The following PIEZO2 variants were observed in gnomAD, a reference collection of about 807,000 sequenced individuals.
PIEZO2 encodes the protein piezo type mechanosensitive ion channel component 2, also known as piezo-type mechanosensitive ion channel component 2.
PIEZO2 carries 172 observed loss-of-function variants against 337.3 expected under a neutral mutation model. That is an observed-to-expected ratio of 0.51 (90% CI 0.45 to 0.58). The LOEUF (loss-of-function observed/expected upper bound fraction) is 0.58. PIEZO2 is among the 20% of genes least tolerant of loss of function. PIEZO2 has a pLI of 0.00. For synonymous variants in PIEZO2, 1,251 were observed against 1,228.5 expected, an observed-to-expected ratio of 1.02 and a Z score of -0.38; for missense variants, 3,028 against 3,391.3, an observed-to-expected ratio of 0.89 and a Z score of 2.66.
intron 7 of PIEZO2, among the ~76,000 whole-genome samples, chr18:10,825,014 C>T (rs1568102156): frequency 1.3e-5 from 2 of 152,268 alleles, no homozygotes; most frequent in South Asian, 2.1e-4. Flanking sequence ...CAGGAACCCG[C>T]CACCATGCCT....
intron 2 of PIEZO2, among the ~76,000 whole-genome samples, chr18:11,043,244 CA>C (rs2037186349): frequency 1.7e-4 from 1 of 5,792 alleles, no homozygotes; most frequent in Non-Finnish European, 5.2e-4. Context: ...CCTTTAAACG[CA>C]CACACACACA....
rs1354269205 is a variant in PIEZO2 at position 10,872,333 on chromosome 18, G to A, written c.330-918C>T. ...CAAAGGCCAGAAGGTGAAGTGGAGA[G>A]TAGAAAGGGCTTCAACTGGAAAAGG... On this transcript the variant is annotated intron_variant, in intron 4 of 55. Transcript: ENST00000674853. This position sits in a 1 kb window ranked among gnomAD's most constrained non-coding sequence, Gnocchi z 4.3. 1.3e-5 allele frequency among the ~76,000 whole-genome samples: 2 copies of A among 152,136 alleles called. No homozygotes were observed. The highest frequency in any genetic ancestry group is 2.9e-5 in the Non-Finnish European group (2 of 68,036).
At chr18:10,776,036 CAT>C (rs1163293715) in intron 18 of PIEZO2, among the ~76,000 whole-genome samples, 2 of 152,108 alleles carry the variant, frequency 1.3e-5, no homozygotes, top group Admixed American at 6.5e-5. Flanking sequence ...GTGCATAAAA[CAT>C]AGATAAAAAT....
In PIEZO2 at chr18:11,006,177, G is replaced by A. The variant is rs112617977; in HGVS notation, c.161-26517C>T. On this transcript the variant is annotated intron_variant, in intron 2 of 55. Transcript: ENST00000674853. ...GCTTTTTATCACAGTACCCTGTTTT[G>A]TACACTTCACCACTTCACTACTTGT... Among the ~76,000 whole-genome samples the A allele has an allele frequency of 2.4e-3, 362 of 152,126 alleles. 3 individuals carry two copies. The highest frequency in any genetic ancestry group is 7.9e-3 in the African/African-American group (326 of 41,494).
chr18:10,726,633 C>T lies in PIEZO2; in HGVS notation c.5029+4774G>A. On this transcript the variant is annotated intron_variant, in intron 36 of 55. Transcript: ENST00000674853. This position sits in a 1 kb window ranked among gnomAD's most constrained non-coding sequence, Gnocchi z 5.9. ...GGGACGCCGACGTGCGCTGGGAGTA[C>T]TGCGCGCGCGCCAAGCGCGGCCAGA... 1 of 1,391,854 alleles carries T rather than the reference C, an allele frequency of 7.2e-7. No homozygotes were observed. The highest frequency in any genetic ancestry group is 1.4e-5 in the South Asian group (1 of 71,926). The allele number at this position is 1,391,854 out of a possible 1,614,324, so 86.2% of individuals were successfully genotyped here.
rs193096623 is a variant in PIEZO2 at position 11,031,200 on chromosome 18, C to T, written c.160+34927G>A. Among the ~76,000 whole-genome samples, 18 of 151,258 alleles carry T rather than the reference C, an allele frequency of 1.2e-4. No individual in the cohort carries two copies. The East Asian group carries it at 2.9e-3, about 24-fold the overall frequency. ...TTTTTTAGTGGAGATGGGATTTCAC[C>T]GTGTTAGCCAGGATGGTCTCAATCT... On this transcript the variant is annotated intron_variant, in intron 2 of 55. Transcript: ENST00000674853. The surrounding 1 kb of genome is among the most constrained non-coding windows in gnomAD (Gnocchi z 4.7).
chr18:10,789,419 A>T, intron 14 of PIEZO2, 54 bp from the exon 15 acceptor site: 2 of 1,483,862 alleles, frequency 1.3e-6, no homozygotes, highest in Non-Finnish European at 1.8e-6. Context: ...TGCAGACCAC[A>T]CTTTGACCAT....
intron 13 of PIEZO2, among the ~76,000 whole-genome samples, chr18:10,792,091 C>A (rs564863246): frequency 2.6e-5 from 4 of 152,168 alleles, no homozygotes; most frequent in Non-Finnish European, 5.9e-5. Flanking sequence ...GGATTACAGG[C>A]ATACACCACC....
At chr18:11,054,254 A>G (rs533309942) in intron 2 of PIEZO2, among the ~76,000 whole-genome samples, 1 of 152,326 alleles carries the variant, frequency 6.6e-6, no homozygotes, top group African/African-American at 2.4e-5. Context: ...CATTTTTAAG[A>G]GTCTTGATTT....
intron 48 of PIEZO2, among the ~76,000 whole-genome samples, chr18:10,690,043 T>C (rs77323182): frequency 6.6e-6 from 1 of 152,234 alleles, no homozygotes; most frequent in Non-Finnish European, 1.5e-5. Context: ...AACTGGGATC[T>C]CCCTTTTAAA....
chr18:11,051,109 G>A (rs557355928), intron 2 of PIEZO2, among the ~76,000 whole-genome samples: 5 of 152,240 alleles, frequency 3.3e-5, no homozygotes, highest in African/African-American at 1.2e-4. Context: ...GGTTACTCCA[G>A]GAGAGCTAGC....
chr18:10,956,940 G>T (rs2033553632), intron 3 of PIEZO2, among the ~76,000 whole-genome samples: 1 of 146,350 alleles, frequency 6.8e-6, no homozygotes, highest in Admixed American at 6.9e-5. Context: ...TTGTGCCCCA[G>T]CCTAGGCAAC....
chr18:11,036,919 G>A (rs1350693659), intron 2 of PIEZO2, among the ~76,000 whole-genome samples: 1 of 152,114 alleles, frequency 6.6e-6, no homozygotes, highest in Non-Finnish European at 1.5e-5. Context: ...GTGGACCCAG[G>A]CACTTCATAC....
intron 4 of PIEZO2, among the ~76,000 whole-genome samples, chr18:10,873,082 G>A (rs550644767): frequency 6.6e-6 from 1 of 152,188 alleles, no homozygotes; most frequent in Admixed American, 6.5e-5. Context: ...CACTTTAAGT[G>A]ATTACACACT....
rs1420605291 is a variant in PIEZO2, at chr18:10,830,283, C to T, written c.918-23009G>A. Among the ~76,000 whole-genome samples, 1 of 152,156 alleles carries T rather than the reference C, an allele frequency of 6.6e-6. No individual in the cohort carries two copies. The highest frequency in any genetic ancestry group is 1.5e-5 in the Non-Finnish European group (1 of 68,010). On this transcript the variant is annotated intron_variant, in intron 7 of 55. Transcript: ENST00000674853. The surrounding 1 kb of genome is among the most constrained non-coding windows in gnomAD (Gnocchi z 4.7). ...GACCCCTATCTCTCACCACACACAA[C>T]AATAAATCAAAATGAATTAAAGACT...
chr18:11,002,908 G>A lies in PIEZO2; in HGVS notation c.161-23248C>T, dbSNP rs1270556341. On this transcript the variant is annotated intron_variant, in intron 2 of 55. Transcript: ENST00000674853. This position sits in a 1 kb window ranked among gnomAD's most constrained non-coding sequence, Gnocchi z 4.3. ...CAGACCAATAGAAACATCCAATGGG[G>A]ATGTAAAGAATTTTCTTTAGTAGAA... is the stretch of plus-strand genomic sequence containing the variant. Among the ~76,000 whole-genome samples the A allele has an allele frequency of 3.3e-5, 5 of 152,224 alleles. No homozygotes were observed. The highest frequency in any genetic ancestry group is 3.3e-4 in the Admixed American group (5 of 15,282).
At position 10,759,536 on chromosome 18, in the gene PIEZO2, T is replaced by G. The variant is rs1380257847; in HGVS notation, c.3703A>C (p.Lys1235Gln). The change falls in exon 26 of 56, where the codon AAG (lysine) becomes CAG (glutamine). Residue 1235 changes from lysine to glutamine, a missense_variant. Coordinates refer to ENST00000674853, the MANE Select transcript of PIEZO2 (RefSeq NM_001378183.1). The surrounding 1 kb of genome is among the most constrained non-coding windows in gnomAD (Gnocchi z 5.5). ...ATGAAATCTGGGAAGTACAGCCACTTTATGATGTTGTCATTGAAGCTGGCA... is the reference window on the plus strand; with the variant it reads ...ATGAAATCTGGGAAGTACAGCCACTGTATGATGTTGTCATTGAAGCTGGCA... The part of the protein sequence containing the change: ...KGASFNDNII[K>Q]WLYFPDFIVR... 6.5e-7 allele frequency: 1 copy of G among 1,537,290 alleles called. No homozygotes were observed. Among genetic ancestry groups the G allele is most frequent in the South Asian group, 1.2e-5 (1 of 84,058 alleles).
Position 10,819,794 on chromosome 18 carries a change from C to T in PIEZO2, c.918-12520G>A, listed in dbSNP as rs1295100622. ...GCTTGTAATTTGTAGAGCTAAGCTTCTACCTGAAATCATTTTCCTTAAGTC... is the reference window on the plus strand; with the variant it reads ...GCTTGTAATTTGTAGAGCTAAGCTTTTACCTGAAATCATTTTCCTTAAGTC... On this transcript the variant is annotated intron_variant, in intron 7 of 55. Coordinates refer to ENST00000674853, the MANE Select transcript of PIEZO2 (RefSeq NM_001378183.1). This position sits in a 1 kb window ranked among gnomAD's most constrained non-coding sequence, Gnocchi z 4.3. 6.6e-6 allele frequency among the ~76,000 whole-genome samples: 1 copy of T among 152,188 alleles called. No homozygotes were observed. The highest frequency in any genetic ancestry group is 1.5e-5 in the Non-Finnish European group (1 of 68,028).
At chr18:10,983,372 T>C (rs189442265) in intron 2 of PIEZO2, among the ~76,000 whole-genome samples, 22 of 152,242 alleles carry the variant, frequency 1.4e-4, no homozygotes, top group Non-Finnish European at 2.8e-4. Context: ...ACTTTACCAA[T>C]GTCACCCCTC....
Sources: gnomAD v4.1 joint callset for allele counts (sites outside exome capture counted in the v4.1 genomes callset) on GRCh38, gnomAD v4.1.1 for gene constraint, Gnocchi (gnomAD v3.1) non-coding constraint, MANE v1.5 for transcripts, NCBI Gene and HGNC (gene_info 2026-07-23, HGNC 2026-07-21) for gene names.